The following PHF24 variants were observed in gnomAD, a reference collection of about 807,000 sequenced individuals.
PHF24 encodes the protein Galpha inhibitory interacting protein.
In PHF24, 25 loss-of-function variants were observed where a neutral mutation model predicts 42.6. The ratio of observed to expected loss-of-function variants is 0.59; its 90% confidence interval spans 0.43 to 0.82. The LOEUF (loss-of-function observed/expected upper bound fraction) is 0.82, where lower values mean the gene tolerates loss of function less well. PHF24 is among the 40% of genes least tolerant of loss of function. The pLI, the probability that PHF24 is intolerant of heterozygous loss-of-function variation, is 0.00. For missense variants in PHF24, 470 were observed against 538.1 expected (o/e 0.87, Z 1.25); for synonymous variants, 185 against 204.8 (o/e 0.90, Z 0.83).
the PHF24 span, among the ~76,000 whole-genome samples, chr9:34,861,464 C>T: frequency 6.6e-6 from 1 of 152,208 alleles, no homozygotes. Flanking sequence ...GAGGCAGAGG[C>T]ACAGGAGGTA....
the PHF24 span, among the ~76,000 whole-genome samples, chr9:34,720,438 C>T: frequency 2.2e-5 from 3 of 134,306 alleles, no homozygotes; most frequent in Non-Finnish European, 3.1e-5. Flanking sequence ...GGCGACAGAG[C>T]GAGACTCCGT....
At chr9:34,951,331 T>C in the PHF24 span, among the ~76,000 whole-genome samples, 1 of 152,220 alleles carries the variant, frequency 6.6e-6, no homozygotes, top group Non-Finnish European at 1.5e-5. Flanking sequence ...AAGGGCACTA[T>C]ATGGCAAAGG....
At chr9:34,774,928 C>T in the PHF24 span, among the ~76,000 whole-genome samples, 2,922 of 152,158 alleles carry the variant, frequency 0.019, 95 homozygotes, top group African/African-American at 0.067. Flanking sequence ...TGAGGATGTG[C>T]AGAAATTGGA....
chr9:34,911,186 T>A, the PHF24 span, among the ~76,000 whole-genome samples: 42 of 151,690 alleles, frequency 2.8e-4, no homozygotes, highest in South Asian at 8.3e-4. Flanking sequence ...AGACTTTTTT[T>A]AAAAAAAAAC....
At chr9:34,689,492 C>CTTTT in the PHF24 span, 1 of 230,026 alleles carries the variant, frequency 4.3e-6, no homozygotes, top group Non-Finnish European at 8.2e-6. This position sits in a 1 kb window ranked among gnomAD's most constrained non-coding sequence, Gnocchi z 4.1. Context: ...TGCCAGGTGC[C>CTTTT]TTTTTTTTTT....
the PHF24 span, among the ~76,000 whole-genome samples, chr9:34,873,991 CTGTT>C: frequency 2.6e-5 from 4 of 151,980 alleles, no homozygotes; most frequent in African/African-American, 7.2e-5. Context: ...CATGATTTGG[CTGTT>C]TGTCTGTTAC....
At chr9:34,875,973 C>CTA in the PHF24 span, among the ~76,000 whole-genome samples, 96 of 148,150 alleles carry the variant, frequency 6.5e-4, no homozygotes, top group African/African-American at 2.1e-3. Flanking sequence ...CTCTCTCTCT[C>CTA]TCTCTCTCTC....
the PHF24 span, among the ~76,000 whole-genome samples, chr9:34,863,693 T>C: frequency 6.6e-6 from 1 of 152,192 alleles, no homozygotes; most frequent in Non-Finnish European, 1.5e-5. Context: ...AAGCCCAGAC[T>C]GCAGAGACTA....
chr9:34,723,319 G>A, the PHF24 span: 7 of 1,551,626 alleles, frequency 4.5e-6, no homozygotes, highest in Admixed American at 2.0e-5. Flanking sequence ...CTGAGGCAGA[G>A]CCAGGTTGTC....
chr9:34,680,979 C>T, the PHF24 span: 1 of 152,176 alleles, frequency 6.6e-6, no homozygotes, highest in African/African-American at 2.4e-5. Context: ...ACCATCAAGA[C>T]GTTAGGTATG....
the PHF24 span, among the ~76,000 whole-genome samples, chr9:34,936,339 G>C: frequency 6.6e-6 from 1 of 152,224 alleles, no homozygotes; most frequent in African/African-American, 2.4e-5. Flanking sequence ...CGGAGGTGCC[G>C]GGATTGCAGA....
At chr9:34,860,438 C>T in the PHF24 span, among the ~76,000 whole-genome samples, 2 of 152,140 alleles carry the variant, frequency 1.3e-5, no homozygotes, top group African/African-American at 2.4e-5. Flanking sequence ...GCAAAAACTG[C>T]AATTACTTTT....
chr9:34,691,975 TC>T, the PHF24 span, among the ~76,000 whole-genome samples: 1 of 152,110 alleles, frequency 6.6e-6, no homozygotes, highest in Non-Finnish European at 1.5e-5. Flanking sequence ...CTTTTCTCAG[TC>T]CTGGGAACCA....
chr9:34,919,851 A>C, the PHF24 span, among the ~76,000 whole-genome samples: 1 of 152,134 alleles, frequency 6.6e-6, no homozygotes, highest in South Asian at 2.1e-4. Flanking sequence ...AATGTCCTCC[A>C]GTCCATCCAC....
chr9:34,892,552 T>C, the PHF24 span: 1 of 419,440 alleles, frequency 2.4e-6, no homozygotes, highest in Non-Finnish European at 4.2e-6. Flanking sequence ...TTTTTGGACA[T>C]TGCAATAGCA....
the PHF24 span, among the ~76,000 whole-genome samples, chr9:34,761,514 A>G: frequency 6.6e-6 from 1 of 152,200 alleles, no homozygotes; most frequent in Non-Finnish European, 1.5e-5. Flanking sequence ...ATGAAGAAAG[A>G]TGAAGTACCT....
chr9:34,950,487 A>G, the PHF24 span, among the ~76,000 whole-genome samples: 1 of 152,208 alleles, frequency 6.6e-6, no homozygotes, highest in Admixed American at 6.5e-5. Flanking sequence ...ACACTACTAA[A>G]TAGCCCATGT....
At chr9:34,936,635 C>G in the PHF24 span, among the ~76,000 whole-genome samples, 1 of 151,718 alleles carries the variant, frequency 6.6e-6, no homozygotes, top group Non-Finnish European at 1.5e-5. Context: ...AGCGCCTCTT[C>G]CCGGCCGCCA....
At chr9:34,918,144 T>C in the PHF24 span, 5 of 1,530,954 alleles carry the variant, frequency 3.3e-6, no homozygotes, top group Non-Finnish European at 4.5e-6. Flanking sequence ...CGCCAGCATA[T>C]GCATTCCCTG....
Sources: gnomAD v4.1 joint callset for allele counts (sites outside exome capture counted in the v4.1 genomes callset) on GRCh38, gnomAD v4.1.1 for gene constraint, Gnocchi (gnomAD v3.1) non-coding constraint, MANE v1.5 for transcripts, NCBI Gene and HGNC (gene_info 2026-07-23, HGNC 2026-07-21) for gene names.